The following SNX10 variants were observed in gnomAD, a reference collection of about 807,000 sequenced individuals.
The protein encoded by SNX10 is sorting nexin 10, also known as sorting nexin-10.
In SNX10, 25 loss-of-function variants were observed where a neutral mutation model predicts 28.5. That is an observed-to-expected ratio of 0.88 (90% CI 0.64 to 1.22). SNX10 has a LOEUF of 1.22. Among genes scored for constraint, SNX10 ranks in the 50% most tolerant of loss-of-function variants. The pLI is 0.00. For missense variants in SNX10, 223 were observed against 242.6 expected (o/e 0.92, Z 0.54); for synonymous variants, 62 against 81.4 (o/e 0.76, Z 1.28).
At chr7:26,327,945 G>A (rs957241686) in intron 1 of SNX10, among the ~76,000 whole-genome samples, 1 of 151,742 alleles carries the variant, frequency 6.6e-6, no homozygotes, top group African/African-American at 2.4e-5. Context: ...TGTTAGCCAG[G>A]ATGGTTCAGA....
intron 1 of SNX10, among the ~76,000 whole-genome samples, chr7:26,297,802 C>A (rs1786170152): frequency 6.6e-6 from 1 of 152,132 alleles, no homozygotes; most frequent in Non-Finnish European, 1.5e-5. Context: ...CCTCTTATTT[C>A]ATAAAGCTGG....
At chr7:26,298,491 A>G (rs1584083803) in intron 1 of SNX10, among the ~76,000 whole-genome samples, 2 of 152,164 alleles carry the variant, frequency 1.3e-5, no homozygotes, top group Admixed American at 1.3e-4. Context: ...TATGGCGGAG[A>G]GTGTAAATTG....
Position 26,364,341 on chromosome 7 carries a change from A to T in SNX10, c.112-194A>T. 2 of 1,303,086 alleles carry T rather than the reference A, an allele frequency of 1.5e-6. No individual in the cohort carries two copies. The highest frequency in any genetic ancestry group is 1.9e-6 in the Non-Finnish European group (2 of 1,026,060). 80.7% of individuals were successfully genotyped at this position (1,303,086 alleles called of 1,614,324 possible). A position where few individuals can be genotyped will look rare whatever the true frequency, so the allele number is the denominator to read the frequency against. On this transcript the variant is annotated intron_variant, in intron 3 of 6. Transcript: ENST00000338523. The surrounding 1 kb of genome is among the most constrained non-coding windows in gnomAD (Gnocchi z 4.9). ...TGGGGCAACACTGCTTATTTCCATC[A>T]TCCTGGCTGTCTTCAGGGCTGTTAT... is the stretch of plus-strand genomic sequence containing the variant.
At chr7:26,339,731 G>A (rs1584139144) in intron 1 of SNX10, among the ~76,000 whole-genome samples, 1 of 151,710 alleles carries the variant, frequency 6.6e-6, no homozygotes, top group Non-Finnish European at 1.5e-5. Context: ...ATTTTTAGTA[G>A]AGACGGGGTT....
At chr7:26,342,151 C>A (rs1341698267) in intron 1 of SNX10, among the ~76,000 whole-genome samples, 1 of 152,010 alleles carries the variant, frequency 6.6e-6, no homozygotes, top group African/African-American at 2.4e-5. Flanking sequence ...CTCAGCCTCC[C>A]AAGTAGCTGG....
chr7:26,318,053 A>G (rs537091543), intron 1 of SNX10, among the ~76,000 whole-genome samples: 1 of 152,192 alleles, frequency 6.6e-6, no homozygotes, highest in Non-Finnish European at 1.5e-5. Context: ...CACATTCAGA[A>G]TGGAGCTTAC....
intron 1 of SNX10, among the ~76,000 whole-genome samples, chr7:26,337,080 C>T (rs754988269): frequency 5.3e-5 from 8 of 152,160 alleles, no homozygotes; most frequent in Non-Finnish European, 7.3e-5. Flanking sequence ...GTATTTAGTT[C>T]CCATTTCTCA....
In SNX10 at chr7:26,365,103, ACGT is replaced by A; in HGVS notation, c.270_272del (p.His90_Val91delinsGln). 1 of 1,613,554 alleles carries A rather than the reference ACGT, an allele frequency of 6.2e-7. No homozygotes were observed. Among genetic ancestry groups the A allele is most frequent in the Non-Finnish European group, 8.5e-7 (1 of 1,179,478 alleles). ...TTTTTCAACATGAACAATCGCCAGC[ACGT>A]GGATCAGCGTCGCCAGGGTCTGGAA... On this transcript the variant is annotated inframe_deletion, in exon 5 of 7. Transcript: ENST00000338523.
At chr7:26,362,890 C>G (rs1031993226) in intron 3 of SNX10, among the ~76,000 whole-genome samples, 2 of 152,150 alleles carry the variant, frequency 1.3e-5, no homozygotes, top group African/African-American at 4.8e-5. Context: ...TATGGATCGA[C>G]CTTAGTCTGG....
intron 1 of SNX10, among the ~76,000 whole-genome samples, chr7:26,343,700 G>A (rs1788266300): frequency 6.6e-6 from 1 of 152,218 alleles, no homozygotes; most frequent in Non-Finnish European, 1.5e-5. Context: ...CGTGATGTGT[G>A]TGGGGAGCAT....
chr7:26,349,764 G>A (rs28538454), intron 2 of SNX10, among the ~76,000 whole-genome samples: 2,999 of 152,292 alleles, frequency 0.02, 52 homozygotes, highest in African/African-American at 0.048. Context: ...TGTCTTTTGT[G>A]GAGCTAGGCA....
At chr7:26,350,653 C>T (rs1289628406) in intron 2 of SNX10, among the ~76,000 whole-genome samples, 1 of 134,788 alleles carries the variant, frequency 7.4e-6, no homozygotes, top group Non-Finnish European at 1.6e-5. Flanking sequence ...TTCCTCTCTC[C>T]CTCCTTTCTT....
intron 2 of SNX10, among the ~76,000 whole-genome samples, chr7:26,358,842 G>A (rs1295616127): frequency 2.1e-5 from 2 of 95,626 alleles, no homozygotes; most frequent in African/African-American, 9.3e-5. Flanking sequence ...TCTTGCTGTT[G>A]TTGGCCCGGG....
intron 1 of SNX10, among the ~76,000 whole-genome samples, chr7:26,332,806 A>G (rs762783496): frequency 6.6e-6 from 1 of 152,220 alleles, no homozygotes; most frequent in Non-Finnish European, 1.5e-5. Context: ...TACTTGTCCC[A>G]GCACCATTTG....
chr7:26,364,349 T>C lies in SNX10; in HGVS notation c.112-186T>C. ...CACTGCTTATTTCCATCATCCTGGCTGTCTTCAGGGCTGTTATGTTCCTGG... is the reference window on the plus strand; with the variant it reads ...CACTGCTTATTTCCATCATCCTGGCCGTCTTCAGGGCTGTTATGTTCCTGG... On this transcript the variant is annotated intron_variant, in intron 3 of 6. Coordinates refer to ENST00000338523, the MANE Select transcript of SNX10 (RefSeq NM_013322.3). The surrounding 1 kb of genome is among the most constrained non-coding windows in gnomAD (Gnocchi z 4.9). The C allele has an allele frequency of 7.6e-7, 1 of 1,315,490 alleles. No individual in the cohort carries two copies. The highest frequency in any genetic ancestry group is 9.7e-7 in the Non-Finnish European group (1 of 1,033,030). The allele number at this position is 1,315,490 out of a possible 1,614,324, so 81.5% of individuals were successfully genotyped here.
chr7:26,310,046 C>G (rs1009243391), intron 1 of SNX10, among the ~76,000 whole-genome samples: 14 of 152,300 alleles, frequency 9.2e-5, no homozygotes, highest in African/African-American at 3.4e-4. Flanking sequence ...GTCTCATCCT[C>G]CACAGTCCAG....
chr7:26,342,044 T>TA (rs1788202026), intron 1 of SNX10, among the ~76,000 whole-genome samples: 2 of 141,012 alleles, frequency 1.4e-5, no homozygotes, highest in Admixed American at 1.4e-4. Flanking sequence ...TTTTTTTTTT[T>TA]AGATGCAGTC....
In SNX10 at chr7:26,365,031, T is replaced by G; in HGVS notation, c.213-16T>G. The G allele has an allele frequency of 2.6e-6, 4 of 1,543,764 alleles. No homozygotes were observed. Among genetic ancestry groups the G allele is most frequent in the Non-Finnish European group, 3.6e-6 (4 of 1,116,216 alleles). On this transcript the variant is annotated splice_polypyrimidine_tract_variant and intron_variant, in intron 4 of 6. Coordinates refer to ENST00000338523, the MANE Select transcript of SNX10 (RefSeq NM_013322.3). ...GAGTTAATCATTTAAAAACATTGTT[T>G]TTTCTTTCTCCTAAGACAACTGCCA... is the stretch of plus-strand genomic sequence containing the variant.
intron 2 of SNX10, among the ~76,000 whole-genome samples, chr7:26,351,656 TTTG>T (rs1412448965): frequency 0.14 from 11,348 of 82,120 alleles, 1,146 homozygotes; most frequent in South Asian, 0.34. Context: ...GTTTTTTTTT[TTTG>T]TTTTTTTTTT....
Sources: allele counts gnomAD v4.1 joint callset (sites outside exome capture counted in the v4.1 genomes callset), GRCh38; gene constraint gnomAD v4.1.1; non-coding constraint Gnocchi (gnomAD v3.1); transcripts MANE v1.5; gene names NCBI Gene and HGNC (gene_info 2026-07-23, HGNC 2026-07-21).